MAP3K5: variants seen among roughly 807,000 people sequenced by gnomAD.
MAP3K5 encodes mitogen-activated protein kinase kinase kinase 5.
Under a neutral mutation model 158.7 loss-of-function variants are expected in MAP3K5, and 56 were observed. The ratio of observed to expected loss-of-function variants is 0.35; its 90% confidence interval spans 0.28 to 0.44. The LOEUF is 0.44. Ranked by LOEUF, MAP3K5 falls within the 20% of genes least tolerant of loss-of-function variation. The pLI is 1.00. For synonymous variants in MAP3K5, 579 were observed against 601.7 expected, an observed-to-expected ratio of 0.96 and a Z score of 0.55; for missense variants, 1,294 against 1,674.8, an observed-to-expected ratio of 0.77 and a Z score of 3.97.
intron 2 of MAP3K5, among the ~76,000 whole-genome samples, chr6:136,713,568 T>C (rs886779094): frequency 6.6e-6 from 1 of 152,192 alleles, no homozygotes; most frequent in Non-Finnish European, 1.5e-5. Context: ...TTCAAGATCT[T>C]CAGAGAAAAC....
chr6:136,617,305 T>C (rs1398467462), intron 15 of MAP3K5, among the ~76,000 whole-genome samples: 2 of 152,242 alleles, frequency 1.3e-5, no homozygotes, highest in Non-Finnish European at 2.9e-5. Context: ...AAATTATTCT[T>C]ATCTATGAGA....
rs57535051 is a variant in MAP3K5, at chr6:136,658,313, C to CTTTTTT, written c.1526+900_1526+905dup. On this transcript the variant is annotated intron_variant, in intron 9 of 29. Transcript: ENST00000359015. ...TTTTCTTTTCTTTCTTTCTTTCTTTCTTTTTTTTTTTTTTTTTTTGAGACA... is the reference window on the plus strand; with the variant it reads ...TTTTCTTTTCTTTCTTTCTTTCTTTCTTTTTTTTTTTTTTTTTTTTTTTTTGAGACA... Among the ~76,000 whole-genome samples the CTTTTTT allele has an allele frequency of 6.1e-4, 55 of 90,470 alleles. 1 individual carries two copies. The highest frequency in any genetic ancestry group is 1.7e-3 in the African/African-American group (39 of 23,112). 59.4% of individuals were successfully genotyped at this position (90,470 alleles called of 152,430 possible).
intron 28 of MAP3K5, among the ~76,000 whole-genome samples, chr6:136,559,559 G>C (rs1295137463): frequency 6.6e-6 from 1 of 152,068 alleles, no homozygotes; most frequent in African/African-American, 2.4e-5. Context: ...TTCCTCAAGT[G>C]GATAAAAAGT....
At chr6:136,637,511 T>C in intron 13 of MAP3K5, 105 bp from the exon 14 acceptor site, 2 of 734,318 alleles carry the variant, frequency 2.7e-6, no homozygotes, top group Non-Finnish European at 4.9e-6. Context: ...GCTAAGAGAG[T>C]CTCCAGAACC....
chr6:136,766,149 C>A, intron 1 of MAP3K5, among the ~76,000 whole-genome samples: 1 of 152,186 alleles, frequency 6.6e-6, no homozygotes, highest in East Asian at 1.9e-4. Flanking sequence ...AGAACCCAAG[C>A]CAACTTCCAC....
chr6:136,655,927 CT>C lies in MAP3K5; in HGVS notation c.1680+379del, dbSNP rs1163599591. Among the ~76,000 whole-genome samples the C allele has an allele frequency of 5.3e-5, 8 of 152,196 alleles. No individual in the cohort carries two copies. The South Asian group carries it at 1.5e-3, about 28-fold the overall frequency. The stretch of plus-strand genomic sequence containing the variant: ...GATAACAATGCAGGTAAGCCTGATA[CT>C]TTTCACCACAATACGGGAGATAATA... On this transcript the variant is annotated intron_variant, in intron 10 of 29. Transcript: ENST00000359015.
In MAP3K5 at chr6:136,757,836, C is replaced by T. The variant is rs914298001; in HGVS notation, c.448+33874G>A. On this transcript the variant is annotated intron_variant, in intron 1 of 29. Transcript: ENST00000359015. ...CTGATCTCAGATGATCCACCTGCCT[C>T]GGCCTCCCAAAATGCTGGATTCCAG... Among the ~76,000 whole-genome samples, 42 of 151,990 alleles carry T rather than the reference C, an allele frequency of 2.8e-4. 1 individual carries two copies. Among genetic ancestry groups the T allele is most frequent in the Admixed American group, 1.6e-3 (24 of 15,250 alleles).
intron 2 of MAP3K5, among the ~76,000 whole-genome samples, chr6:136,709,499 A>G (rs184436028): frequency 5.5e-4 from 83 of 152,092 alleles, no homozygotes; most frequent in African/African-American, 1.9e-3. Flanking sequence ...CCCAGCATAC[A>G]AGATATTCTA....
At chr6:136,738,061 C>T (rs184388234) in intron 1 of MAP3K5, among the ~76,000 whole-genome samples, 3 of 152,278 alleles carry the variant, frequency 2.0e-5, no homozygotes, top group Non-Finnish European at 2.9e-5. Flanking sequence ...CACCACCCAC[C>T]GAATGAGAAA....
At chr6:136,584,582 G>GC (rs1156275504) in intron 23 of MAP3K5, 1 of 152,146 alleles carries the variant, frequency 6.6e-6, no homozygotes, top group East Asian at 1.9e-4. Context: ...GGAAAGACCT[G>GC]CCCCCATAAT....
intron 1 of MAP3K5, among the ~76,000 whole-genome samples, chr6:136,742,893 A>G (rs1782770076): frequency 6.6e-6 from 1 of 152,236 alleles, no homozygotes; most frequent in African/African-American, 2.4e-5. Flanking sequence ...AAGTAAGCAT[A>G]TGAAAACATG....
chr6:136,557,787 T>C lies in MAP3K5; in HGVS notation c.4096A>G (p.Ile1366Val), dbSNP rs1309042597. The C allele has an allele frequency of 1.2e-6, 2 of 1,612,918 alleles. No individual in the cohort carries two copies. Among genetic ancestry groups the C allele is most frequent in the Middle Eastern group, 1.7e-4 (1 of 6,060 alleles). ...GGMLCTLWKAIIDFRNKQT is the reference protein window; with the variant it reads ...GGMLCTLWKAVIDFRNKQT ...GTCTGTTTGTTTCGAAAGTCAATGA[T>C]AGCCTTCCACAGTGTGCACAGCATC... Residue 1366 changes from isoleucine to valine, a missense_variant, in exon 30 of 30, where the codon ATC becomes GTC. Ile to Val is a conservative substitution (Grantham distance 29). Transcript: ENST00000359015.
At chr6:136,588,073 T>C (rs1450561345) in intron 23 of MAP3K5, among the ~76,000 whole-genome samples, 1 of 152,056 alleles carries the variant, frequency 6.6e-6, no homozygotes, top group Non-Finnish European at 1.5e-5. Flanking sequence ...AATTCCTGGG[T>C]TTTATGTGTT....
At chr6:136,753,249 A>C (rs903250860) in intron 1 of MAP3K5, among the ~76,000 whole-genome samples, 2 of 152,242 alleles carry the variant, frequency 1.3e-5, no homozygotes, top group African/African-American at 4.8e-5. Context: ...CTGAGTTGTC[A>C]GTCCATTAAA....
intron 1 of MAP3K5, among the ~76,000 whole-genome samples, chr6:136,750,846 A>G (rs573623157): frequency 6.6e-6 from 1 of 152,330 alleles, no homozygotes; most frequent in Non-Finnish European, 1.5e-5. Context: ...TCAACTACAA[A>G]ATGCAAAAAT....
rs1779455375 is a variant in MAP3K5, at chr6:136,670,918, T to C, written c.1254-1523A>G. On this transcript the variant is annotated intron_variant, in intron 7 of 29. Coordinates refer to ENST00000359015, the MANE Select transcript of MAP3K5 (RefSeq NM_005923.4). ...TTTCCAGAAGTATACATGTTTCCATTCTAAAATGAAAAAAGTATATACACC... is the reference window on the plus strand; with the variant it reads ...TTTCCAGAAGTATACATGTTTCCATCCTAAAATGAAAAAAGTATATACACC... 3.3e-5 allele frequency among the ~76,000 whole-genome samples: 5 copies of C among 152,126 alleles called. No individual in the cohort carries two copies. The South Asian group carries it at 1.0e-3, about 31-fold the overall frequency.
At chr6:136,740,718 G>C (rs1277549753) in intron 1 of MAP3K5, among the ~76,000 whole-genome samples, 1 of 152,208 alleles carries the variant, frequency 6.6e-6, no homozygotes, top group Non-Finnish European at 1.5e-5. Context: ...ATTCTCGAGT[G>C]AGTTTTTATG....
intron 7 of MAP3K5, among the ~76,000 whole-genome samples, chr6:136,673,667 A>G (rs1779575885): frequency 6.6e-6 from 1 of 151,852 alleles, no homozygotes; most frequent in African/African-American, 2.4e-5. Flanking sequence ...GGTGAACTAA[A>G]ATGCATGTCA....
At chr6:136,668,132 C>T (rs973914200) in intron 8 of MAP3K5, among the ~76,000 whole-genome samples, 1 of 151,558 alleles carries the variant, frequency 6.6e-6, no homozygotes, top group African/African-American at 2.4e-5. Flanking sequence ...CCTGTAATAC[C>T]AGTACTTTGG....
Sources: gnomAD v4.1 joint callset for allele counts (sites outside exome capture counted in the v4.1 genomes callset) on GRCh38, gnomAD v4.1.1 for gene constraint, MANE v1.5 for transcripts, NCBI Gene and HGNC (gene_info 2026-07-23, HGNC 2026-07-21) for gene names.